The following RCOR1 variants were observed in gnomAD, a reference collection of about 807,000 sequenced individuals.
RCOR1 encodes the protein REST corepressor 1, also known as REST corepressor.
In RCOR1, 12 loss-of-function variants were observed where a neutral mutation model predicts 64.0. The ratio of observed to expected loss-of-function variants is 0.19; its 90% CI spans 0.12 to 0.30. RCOR1 has a LOEUF of 0.30. Ranked by LOEUF, RCOR1 falls within the 10% of genes least tolerant of loss-of-function variation. RCOR1 has a pLI of 1.00. For missense variants in RCOR1, 502 were observed against 621.2 expected, an observed-to-expected ratio of 0.81 and a Z score of 2.04; for synonymous variants, 279 against 227.2, an observed-to-expected ratio of 1.23 and a Z score of -2.05.
At chr14:102,614,617 C>A (rs928466905) in intron 2 of RCOR1, among the ~76,000 whole-genome samples, 3 of 152,038 alleles carry the variant, frequency 2.0e-5, no homozygotes, top group Admixed American at 6.6e-5. Context: ...TGAGTTGTTG[C>A]TTAGTTCTCT....
In RCOR1 at chr14:102,727,302, C is replaced by G. The variant is rs1357148359; in HGVS notation, c.*796C>G. The G allele has an allele frequency of 6.6e-6, 1 of 150,548 alleles. No individual in the cohort carries two copies. The highest frequency in any genetic ancestry group is 1.5e-5 in the Non-Finnish European group (1 of 67,626). The allele number at this position is 150,548 out of a possible 1,614,324, so 9.3% of individuals were successfully genotyped here. A position where few individuals can be genotyped will look rare whatever the true frequency, so the allele number is the denominator to read the frequency against. ...CCTGACCCCCCCCACCCCCCCACCTCCAAGAGGTTCGGCCCACATCACTGT... is the reference window on the plus strand; with the variant it reads ...CCTGACCCCCCCCACCCCCCCACCTGCAAGAGGTTCGGCCCACATCACTGT... On this transcript the variant is annotated 3_prime_UTR_variant, in exon 12 of 12. Coordinates refer to ENST00000262241, the MANE Select transcript of RCOR1 (RefSeq NM_015156.4).
At chr14:102,623,380 TTTATTTATTATTTATTTATTTA>T (rs1183130623) in intron 2 of RCOR1, among the ~76,000 whole-genome samples, 2 of 139,052 alleles carry the variant, frequency 1.4e-5, no homozygotes, top group Admixed American at 1.4e-4. Flanking sequence ...ACTTCCTTTA[TTTATTTATTATTTATTTATTTA>T]TTTATTTATT....
In RCOR1 at chr14:102,711,016, A is replaced by AT. The variant is rs751659662; in HGVS notation, c.858+9dup. On this transcript the variant is annotated splice_donor_region_variant and intron_variant, in intron 7 of 11. Coordinates refer to ENST00000262241, the MANE Select transcript of RCOR1 (RefSeq NM_015156.4). ...AAAACAAGGAAAGCAAAAAGGAGGTATTTTTTCCCCCTAGTATTGTTTAGG... is the reference window on the plus strand; with the variant it reads ...AAAACAAGGAAAGCAAAAAGGAGGTATTTTTTTCCCCCTAGTATTGTTTAGG... 3.1e-6 allele frequency: 5 copies of AT among 1,588,362 alleles called. No individual in the cohort carries two copies. Among genetic ancestry groups the AT allele is most frequent in the Admixed American group, 3.6e-5 (2 of 55,724 alleles).
intron 2 of RCOR1, among the ~76,000 whole-genome samples, chr14:102,662,015 C>T (rs919166081): frequency 2.0e-5 from 3 of 152,156 alleles, no homozygotes; most frequent in Non-Finnish European, 4.4e-5. Flanking sequence ...CCAGCCTTGG[C>T]CTCTCAAAGT....
intron 2 of RCOR1, among the ~76,000 whole-genome samples, chr14:102,598,353 C>T (rs1893309280): frequency 6.6e-6 from 1 of 152,058 alleles, no homozygotes; most frequent in Non-Finnish European, 1.5e-5. Flanking sequence ...CTGATATTTC[C>T]TATGCAGTTC....
chr14:102,621,610 A>G (rs965580727), intron 2 of RCOR1, among the ~76,000 whole-genome samples: 1 of 152,016 alleles, frequency 6.6e-6, no homozygotes, highest in African/African-American at 2.4e-5. Flanking sequence ...GTAAATTTAC[A>G]TATATTTTAA....
chr14:102,610,249 T>A, intron 2 of RCOR1, among the ~76,000 whole-genome samples: 1 of 152,290 alleles, frequency 6.6e-6, no homozygotes, highest in East Asian at 1.9e-4. Context: ...AAAAATTATT[T>A]TGAAAAGTTT....
At chr14:102,708,634 G>A (rs1245828365) in intron 6 of RCOR1, 51 bp downstream of exon 6, 2 of 1,010,852 alleles carry the variant, frequency 2.0e-6, no homozygotes, top group East Asian at 4.8e-5. Context: ...CTATCTAAGA[G>A]CCCCAGATAC....
At chr14:102,637,638 G>A (rs1199491704) in intron 2 of RCOR1, among the ~76,000 whole-genome samples, 2 of 151,798 alleles carry the variant, frequency 1.3e-5, no homozygotes, top group Admixed American at 1.3e-4. Flanking sequence ...TTGTAGAGTC[G>A]AGATTTTTGC....
At chr14:102,672,363 C>G (rs1476129322) in intron 2 of RCOR1, among the ~76,000 whole-genome samples, 1 of 152,068 alleles carries the variant, frequency 6.6e-6, no homozygotes, top group Non-Finnish European at 1.5e-5. Context: ...GCGCCCGCCA[C>G]CACACCCAGC....
intron 2 of RCOR1, among the ~76,000 whole-genome samples, chr14:102,605,967 A>G (rs1037414159): frequency 1.3e-5 from 2 of 152,006 alleles, no homozygotes; most frequent in African/African-American, 2.4e-5. Flanking sequence ...GCTCTGTTGC[A>G]CAGGCTGGAG....
intron 2 of RCOR1, among the ~76,000 whole-genome samples, chr14:102,663,180 C>T (rs1035997048): frequency 1.3e-5 from 2 of 152,222 alleles, no homozygotes; most frequent in East Asian, 3.8e-4. Context: ...CTGCCATCCA[C>T]GTAAGACTGA....
chr14:102,620,891 C>G (rs1443574340), intron 2 of RCOR1, among the ~76,000 whole-genome samples: 2 of 152,062 alleles, frequency 1.3e-5, no homozygotes, highest in Non-Finnish European at 2.9e-5. Context: ...TCAATAAGGC[C>G]TCTCCTAACC....
chr14:102,607,874 T>C (rs977277100), intron 2 of RCOR1, among the ~76,000 whole-genome samples: 19 of 151,918 alleles, frequency 1.3e-4, no homozygotes, highest in African/African-American at 4.4e-4. Flanking sequence ...AGAGCGAGAC[T>C]CTGTCTCAAG....
chr14:102,729,750 A>G lies in RCOR1; in HGVS notation c.*3244A>G, dbSNP rs185536431. 1.0e-5 allele frequency: 4 copies of G among 398,616 alleles called. No individual in the cohort carries two copies. The highest frequency in any genetic ancestry group is 2.7e-4 in the South Asian group (2 of 7,478). The allele number at this position is 398,616 out of a possible 1,614,324, so 24.7% of individuals were successfully genotyped here. ...TGTCATTCTAAATATCAGATGTACT[A>G]TTGGTATAATTGCACACCAAAAATA... On this transcript the variant is annotated 3_prime_UTR_variant, in exon 12 of 12. Coordinates refer to ENST00000262241, the MANE Select transcript of RCOR1 (RefSeq NM_015156.4).
chr14:102,613,291 G>A (rs1893672678), intron 2 of RCOR1, among the ~76,000 whole-genome samples: 1 of 150,998 alleles, frequency 6.6e-6, no homozygotes, highest in African/African-American at 2.4e-5. Flanking sequence ...TGGTAGAGTT[G>A]GGGTTTCACC....
At chr14:102,647,568 C>T (rs1183014824) in intron 2 of RCOR1, among the ~76,000 whole-genome samples, 2 of 152,178 alleles carry the variant, frequency 1.3e-5, no homozygotes, top group African/African-American at 4.8e-5. Context: ...ATCTGGCCAC[C>T]CCAGCCTCCC....
At chr14:102,661,340 C>T (rs1056386281) in intron 2 of RCOR1, among the ~76,000 whole-genome samples, 4 of 151,998 alleles carry the variant, frequency 2.6e-5, no homozygotes, top group African/African-American at 7.2e-5. Context: ...AGGGTGAGAA[C>T]TTGTCTCAAA....
rs76641521 is a variant in RCOR1, at chr14:102,701,339, A to G, written c.498+9A>G. ...GGTACAACATGGAACAGGTAATATC[A>G]TGGTTTTCTTTCTTTTGCTGTTAAA... On this transcript the variant is annotated intron_variant, in intron 4 of 11. Coordinates refer to ENST00000262241, the MANE Select transcript of RCOR1 (RefSeq NM_015156.4). 8,521 of 1,567,012 alleles carry G rather than the reference A, an allele frequency of 5.4e-3. 256 individuals carry two copies. In the African/African-American group the frequency reaches 0.078, roughly 14 times the overall value.
Sources: gnomAD v4.1 joint callset for allele counts (sites outside exome capture counted in the v4.1 genomes callset) on GRCh38, gnomAD v4.1.1 for gene constraint, MANE v1.5 for transcripts, NCBI Gene and HGNC (gene_info 2026-07-23, HGNC 2026-07-21) for gene names.